The following BIN3 variants were observed in gnomAD, a reference collection of about 807,000 sequenced individuals.
The protein encoded by BIN3 is bridging integrator 3.
A neutral mutation model predicts 38.2 loss-of-function variants in BIN3; 41 were observed. The observed-to-expected ratio is 1.07, with a 90% CI of 0.84 to 1.39. The LOEUF (loss-of-function observed/expected upper bound fraction) is 1.39, where lower values mean the gene tolerates loss of function less well. BIN3 is among the 40% of genes most tolerant of loss of function. BIN3 has a pLI of 0.00. For synonymous variants in BIN3, 145 were observed against 122.6 expected (o/e 1.18, Z -1.21); for missense variants, 361 against 324.3 (o/e 1.11, Z -0.87).
intron 1 of BIN3, among the ~76,000 whole-genome samples, chr8:22,645,915 C>T (rs945849828): frequency 2.0e-5 from 3 of 152,138 alleles, no homozygotes; most frequent in Non-Finnish European, 4.4e-5. Context: ...ATCTGAAATC[C>T]AGCCCAAGTC....
intron 2 of BIN3, among the ~76,000 whole-genome samples, chr8:22,641,108 G>A (rs112535446): frequency 0.018 from 2,752 of 152,292 alleles, 79 homozygotes; most frequent in African/African-American, 0.061. Flanking sequence ...GCCTCATTCC[G>A]AGGAAAAGAG....
At chr8:22,646,380 G>A (rs1802715606) in intron 1 of BIN3, among the ~76,000 whole-genome samples, 1 of 151,980 alleles carries the variant, frequency 6.6e-6, no homozygotes, top group South Asian at 2.1e-4. Flanking sequence ...GCTCCACCAG[G>A]CCCACATCCC....
intron 1 of BIN3, among the ~76,000 whole-genome samples, chr8:22,652,823 ATCTT>A (rs2117579079): frequency 6.6e-6 from 1 of 152,308 alleles, no homozygotes; most frequent in South Asian, 2.1e-4. Flanking sequence ...ACACACCTCT[ATCTT>A]TGTCTCCCTA....
intron 2 of BIN3, among the ~76,000 whole-genome samples, chr8:22,639,681 C>T (rs895543246): frequency 1.3e-5 from 2 of 152,216 alleles, no homozygotes; most frequent in Admixed American, 6.5e-5. Flanking sequence ...TTTTCTCCTG[C>T]TCACTGGGGT....
At chr8:22,644,331 G>A (rs757042328) in intron 2 of BIN3, among the ~76,000 whole-genome samples, 11 of 152,234 alleles carry the variant, frequency 7.2e-5, no homozygotes, top group Non-Finnish European at 1.6e-4. Flanking sequence ...AACAGGCCGA[G>A]GCCACTGGGA....
At position 22,644,814 on chromosome 8, in the gene BIN3, AAGAGAC is replaced by A. The variant is rs1400149151; in HGVS notation, c.9-17_9-12del. On this transcript the variant is annotated splice_polypyrimidine_tract_variant and intron_variant, in intron 1 of 8. Transcript: ENST00000276416. Reference sequence around the variant, plus strand: ...ATCTTAAAAGGAATCCTATAAGAGAAAGAGACAAAGAGAGATATTGTGAGAAGTGGG... The same window carrying A: ...ATCTTAAAAGGAATCCTATAAGAGAAAAAGAGAGATATTGTGAGAAGTGGG... 1.9e-6 allele frequency: 3 copies of A among 1,605,764 alleles called. No individual in the cohort carries two copies. The South Asian group carries it at 3.4e-5, about 18-fold the overall frequency.
intron 1 of BIN3, 34 bp downstream of exon 1, chr8:22,669,010 G>A (rs1004825419): frequency 6.4e-7 from 1 of 1,568,542 alleles, no homozygotes; most frequent in Non-Finnish European, 8.6e-7. Context: ...GGGTCCGCGG[G>A]TCCAGCAGCT....
intron 2 of BIN3, among the ~76,000 whole-genome samples, chr8:22,640,354 ATTT>A (rs35170682): frequency 7.2e-6 from 1 of 139,328 alleles, no homozygotes. Context: ...TAATTTTTGA[ATTT>A]TTTTTTTTTT....
At chr8:22,647,005 C>T (rs1802734848) in intron 1 of BIN3, among the ~76,000 whole-genome samples, 1 of 152,196 alleles carries the variant, frequency 6.6e-6, no homozygotes, top group South Asian at 2.1e-4. Flanking sequence ...GCGCTCTCGA[C>T]CCGGTATCAG....
At position 22,636,528 on chromosome 8, in the gene BIN3, G is replaced by A. The variant is rs1213963804; in HGVS notation, c.157C>T (p.Leu53=). The A allele has an allele frequency of 1.3e-6, 2 of 1,552,308 alleles. No individual in the cohort carries two copies. The highest frequency in any genetic ancestry group is 8.7e-7 in the Non-Finnish European group (1 of 1,147,486). Reference sequence around the variant, plus strand: ...GTGCGGGTGGAAAGTCACCTACCCAGGTCTGCGTCGGTGCTCTTCTTCATG... The same window carrying A: ...GTGCGGGTGGAAAGTCACCTACCCAAGTCTGCGTCGGTGCTCTTCTTCATG... ...KDMKKSTDAD[L]AMSKSAVKIS... is the part of the protein sequence containing the mutation. The change falls in exon 4 of 9, where the codon CTG becomes TTG. Residue 53 remains leucine, a synonymous_variant. Coordinates refer to ENST00000276416, the MANE Select transcript of BIN3 (RefSeq NM_018688.6).
intron 2 of BIN3, among the ~76,000 whole-genome samples, chr8:22,640,795 G>A (rs1380450788): frequency 6.6e-6 from 1 of 151,324 alleles, no homozygotes; most frequent in Admixed American, 6.6e-5. Flanking sequence ...TACCGGGAGG[G>A]ACTTCAGGTT....
At position 22,649,843 on chromosome 8, in the gene BIN3, ACACACACACACACACC is replaced by A. The variant is rs1166531046; in HGVS notation, c.9-5056_9-5041del. Among the ~76,000 whole-genome samples the A allele has an allele frequency of 3.3e-3, 450 of 136,472 alleles. 4 individuals are homozygous for A. Among genetic ancestry groups the A allele is most frequent in the African/African-American group, 0.012 (416 of 33,736 alleles). The allele number at this position is 136,472 out of a possible 152,430, so 89.5% of individuals were successfully genotyped here. The stretch of plus-strand genomic sequence containing the variant: ...CACACACACACACACACACACACAC[ACACACACACACACACC>A]CCCAAAGGAAAAAATTAACAGTAAT... On this transcript the variant is annotated intron_variant, in intron 1 of 8. Transcript: ENST00000276416.
Position 22,632,518 on chromosome 8 carries a change from G to C in BIN3, c.161-1940C>G, listed in dbSNP as rs943445594. Among the ~76,000 whole-genome samples the C allele has an allele frequency of 8.5e-5, 13 of 152,126 alleles. 1 individual carries two copies. The highest frequency in any genetic ancestry group is 4.4e-5 in the Non-Finnish European group (3 of 68,026). On this transcript the variant is annotated intron_variant, in intron 4 of 8. Transcript: ENST00000276416. Reference sequence around the variant, plus strand: ...TCTGTGGAGTGACTCTGTAGATTTAGGAACAAACGTTACGTATAACTTGAT... The same window carrying C: ...TCTGTGGAGTGACTCTGTAGATTTACGAACAAACGTTACGTATAACTTGAT...
intron 4 of BIN3, among the ~76,000 whole-genome samples, chr8:22,635,643 C>T (rs1364571283): frequency 6.6e-6 from 1 of 152,072 alleles, no homozygotes; most frequent in East Asian, 1.9e-4. Context: ...TCAGCAACAG[C>T]CTGTGCCACT....
intron 2 of BIN3, among the ~76,000 whole-genome samples, chr8:22,642,264 G>A (rs911975147): frequency 4.8e-5 from 7 of 146,374 alleles, no homozygotes; most frequent in African/African-American, 1.0e-4. Flanking sequence ...AACAGAGTGC[G>A]TCACTGCTGT....
At chr8:22,635,957 C>A (rs942473713) in intron 4 of BIN3, among the ~76,000 whole-genome samples, 17 of 152,158 alleles carry the variant, frequency 1.1e-4, no homozygotes, top group African/African-American at 3.9e-4. Context: ...CAAACAAGAG[C>A]TCTCCAGCCA....
intron 1 of BIN3, among the ~76,000 whole-genome samples, chr8:22,652,993 T>C (rs1278280473): frequency 6.6e-6 from 1 of 152,244 alleles, no homozygotes; most frequent in South Asian, 2.1e-4. Context: ...TTTTTCAGCT[T>C]ACTGGTAATA....
intron 1 of BIN3, 33 bp downstream of exon 1, chr8:22,669,011 T>C (rs1175955579): frequency 6.4e-7 from 1 of 1,568,610 alleles, no homozygotes; most frequent in South Asian, 1.2e-5. Context: ...GGTCCGCGGG[T>C]CCAGCAGCTC....
intron 7 of BIN3, 86 bp downstream of exon 7, chr8:22,624,136 G>A (rs1801931898): frequency 1.3e-6 from 2 of 1,585,546 alleles, no homozygotes; most frequent in South Asian, 1.2e-5. Context: ...TGGTGTCTTG[G>A]TGCCCCCAGG....
Sources: allele counts gnomAD v4.1 joint callset (sites outside exome capture counted in the v4.1 genomes callset), GRCh38; gene constraint gnomAD v4.1.1; transcripts MANE v1.5; gene names NCBI Gene and HGNC (gene_info 2026-07-23, HGNC 2026-07-21).